IFNGR1: variants seen among roughly 807,000 people sequenced by gnomAD.
IFNGR1 encodes interferon gamma receptor 1.
A neutral mutation model predicts 35.4 loss-of-function variants in IFNGR1; 23 were observed. The observed-to-expected ratio is 0.65, with a 90% CI of 0.47 to 0.92. IFNGR1 has a LOEUF of 0.92. IFNGR1 is among the 40% of genes least tolerant of loss of function. The probability of loss-of-function intolerance (pLI) is 0.00; values close to 1 mark genes in which losing one functional copy is unlikely to be tolerated. For synonymous variants in IFNGR1, 199 were observed against 209.5 expected, an observed-to-expected ratio of 0.95 and a Z score of 0.43; for missense variants, 533 against 583.4, an observed-to-expected ratio of 0.91 and a Z score of 0.89.
intron 1 of IFNGR1, among the ~76,000 whole-genome samples, chr6:137,213,967 T>C (rs766155032): frequency 2.0e-5 from 3 of 152,228 alleles, no homozygotes; most frequent in Non-Finnish European, 4.4e-5. Context: ...CTATGGACTC[T>C]GCAGAAATCA....
chr6:137,199,499 A>AAATATATAATTTATATTATATAT (rs1779201659), intron 6 of IFNGR1, among the ~76,000 whole-genome samples: 16 of 21,934 alleles, frequency 7.3e-4, no homozygotes, highest in African/African-American at 3.1e-3. Flanking sequence ...ATATTATATA[A>AAATATATAATTTATATTATATAT]AATATATAAT....
chr6:137,215,425 C>A, intron 1 of IFNGR1: 1 of 1,254,510 alleles, frequency 8.0e-7, no homozygotes, highest in Non-Finnish European at 1.1e-6. Flanking sequence ...CTTAAAAATA[C>A]ACAAGACCTA....
chr6:137,199,499 A>AAATATATAATTTATAATATATATAT, intron 6 of IFNGR1, among the ~76,000 whole-genome samples: 1 of 21,934 alleles, frequency 4.6e-5, no homozygotes, highest in East Asian at 9.3e-4. Context: ...ATATTATATA[A>AAATATATAATTTATAATATATATAT]AATATATAAT....
At chr6:137,206,432 G>C in intron 2 of IFNGR1, 124 bp from the exon 3 acceptor site, 1 of 686,446 alleles carries the variant, frequency 1.5e-6, no homozygotes, top group Non-Finnish European at 2.5e-6. Flanking sequence ...GCTAAGAATA[G>C]GATGGAGACG....
At chr6:137,207,934 T>C (rs967601373) in intron 1 of IFNGR1, among the ~76,000 whole-genome samples, 1 of 152,168 alleles carries the variant, frequency 6.6e-6, no homozygotes. Flanking sequence ...AGGAAAATGT[T>C]TGGAACTTTA....
intron 6 of IFNGR1, among the ~76,000 whole-genome samples, chr6:137,199,544 TATATAAC>T: frequency 2.9e-5 from 2 of 68,556 alleles, no homozygotes; most frequent in Admixed American, 5.0e-4. Context: ...TAATATATAT[TATATAAC>T]ATATAAAATA....
chr6:137,202,033 A>G (rs534241509), intron 5 of IFNGR1, among the ~76,000 whole-genome samples: 6 of 152,180 alleles, frequency 3.9e-5, no homozygotes, highest in African/African-American at 1.4e-4. Context: ...ACATACTGTG[A>G]CAATGTCCGG....
intron 1 of IFNGR1, chr6:137,219,031 G>C (rs1323196065): frequency 3.3e-6 from 2 of 606,462 alleles, no homozygotes; most frequent in Middle Eastern, 4.4e-4. Context: ...GGCAACCAGG[G>C]AAGAGGCAGG....
At position 137,206,135 on chromosome 6, in the gene IFNGR1, C is replaced by A. The variant is rs532749039; in HGVS notation, c.373+1G>T. On this transcript the variant is annotated splice_donor_variant, in intron 3 of 6. Transcript: ENST00000367739. LOFTEE classifies it high-confidence loss of function. The stretch of plus-strand genomic sequence containing the variant: ...TTTACATGTGTACACATTCTACTCA[C>A]CATCTCGGCATACAGCAAATTCTTC... The A allele has an allele frequency of 8.1e-6, 13 of 1,612,550 alleles. No homozygotes were observed. Among genetic ancestry groups the A allele is most frequent in the Non-Finnish European group, 1.1e-5 (13 of 1,178,684 alleles).
At chr6:137,204,133 G>A (rs923507233) in intron 4 of IFNGR1, among the ~76,000 whole-genome samples, 199 bp downstream of exon 4, 8 of 152,138 alleles carry the variant, frequency 5.3e-5, no homozygotes, top group East Asian at 1.9e-4. Context: ...AAAACTAAAT[G>A]TATTCACATG....
rs550393125 is a variant in IFNGR1, at chr6:137,212,576, T to C, written c.86-5499A>G. Among the ~76,000 whole-genome samples, 18 of 152,270 alleles carry C rather than the reference T, an allele frequency of 1.2e-4. No individual in the cohort carries two copies. In the East Asian group the frequency reaches 3.3e-3, roughly 28 times the overall value. ...CAGCCTAAGGCTCTCTTTTTAATTA[T>C]ACCCAGTAGGAATGGCTTTATAATG... On this transcript the variant is annotated intron_variant, in intron 1 of 6. Transcript: ENST00000367739.
At chr6:137,210,524 AC>A (rs1400888087) in intron 1 of IFNGR1, among the ~76,000 whole-genome samples, 1 of 152,188 alleles carries the variant, frequency 6.6e-6, no homozygotes, top group African/African-American at 2.4e-5. Flanking sequence ...TATAACTAAA[AC>A]AAATAAATGA....
chr6:137,206,316 G>T lies in IFNGR1; in HGVS notation c.201-8C>A. ...CATTCTGAATTCTTAACACTAAAAA[G>T]AATAAAAAAATGCGAAGATAACTTT... On this transcript the variant is annotated splice_polypyrimidine_tract_variant and splice_region_variant and intron_variant, in intron 2 of 6. Transcript: ENST00000367739. 6.3e-7 allele frequency: 1 copy of T among 1,582,812 alleles called. No homozygotes were observed. The highest frequency in any genetic ancestry group is 8.7e-7 in the Non-Finnish European group (1 of 1,152,970).
intron 1 of IFNGR1, among the ~76,000 whole-genome samples, chr6:137,210,180 T>C (rs1056793380): frequency 3.3e-5 from 5 of 151,956 alleles, no homozygotes; most frequent in Admixed American, 6.6e-5. Flanking sequence ...ATTAAAAAAT[T>C]AGCCAGGTGA....
chr6:137,207,140 C>G, intron 1 of IFNGR1, 63 bp from the exon 2 acceptor site: 1 of 1,592,912 alleles, frequency 6.3e-7, no homozygotes, highest in Non-Finnish European at 8.6e-7. Context: ...ATTGGAAAGC[C>G]TTATTGTAAG....
chr6:137,206,612 T>C (rs1020772734), intron 2 of IFNGR1: 1 of 397,924 alleles, frequency 2.5e-6, no homozygotes, highest in East Asian at 4.7e-5. Flanking sequence ...ATGTTAATTA[T>C]AGAAGTAAGC....
rs770973014 is a variant in IFNGR1 at position 137,207,046 on chromosome 6, G to C, written c.117C>G (p.Ser39=). Residue 39 remains serine, a synonymous_variant, in exon 2 of 7, where the codon TCC becomes TCG. Transcript: ENST00000367739. Reference sequence around the variant, plus strand: ...AATATACGATAGGGTTCATGTTATAGGATTCAATTGTAACATTAGTTGGTG... The same window carrying C: ...AATATACGATAGGGTTCATGTTATACGATTCAATTGTAACATTAGTTGGTG... The part of the protein sequence containing the change: ...VPTPTNVTIE[S]YNMNPIVYWE... 6.2e-6 allele frequency: 10 copies of C among 1,613,762 alleles called. No homozygotes were observed. Among genetic ancestry groups the C allele is most frequent in the Non-Finnish European group, 7.6e-6 (9 of 1,179,872 alleles).
At chr6:137,215,964 T>C (rs748222200) in intron 1 of IFNGR1, among the ~76,000 whole-genome samples, 13 of 152,216 alleles carry the variant, frequency 8.5e-5, no homozygotes, top group Non-Finnish European at 1.8e-4. Flanking sequence ...CTTCCGCCGA[T>C]GTGCTGGGAT....
chr6:137,213,852 C>G (rs574285852), intron 1 of IFNGR1, among the ~76,000 whole-genome samples: 11 of 152,190 alleles, frequency 7.2e-5, no homozygotes, highest in Non-Finnish European at 1.3e-4. Flanking sequence ...CCAAAAGCAT[C>G]TGTGTCTCTT....
Sources: gnomAD v4.1 joint callset for allele counts (sites outside exome capture counted in the v4.1 genomes callset) on GRCh38, gnomAD v4.1.1 for gene constraint, MANE v1.5 for transcripts, NCBI Gene and HGNC (gene_info 2026-07-23, HGNC 2026-07-21) for gene names.